The following PTPN21 variants were observed in gnomAD, a reference collection of about 807,000 sequenced individuals.
PTPN21 encodes the protein tyrosine-protein phosphatase non-receptor type 21.
A neutral mutation model predicts 131.8 loss-of-function variants in PTPN21; 77 were observed. The observed-to-expected ratio is 0.58, with a 90% CI of 0.49 to 0.71. The LOEUF is 0.71. Ranked by LOEUF, PTPN21 falls within the 30% of genes least tolerant of loss-of-function variation. The pLI is 0.00. For synonymous variants in PTPN21, 715 were observed against 621.3 expected, an observed-to-expected ratio of 1.15 and a Z score of -2.24; for missense variants, 1,552 against 1,527.1, an observed-to-expected ratio of 1.02 and a Z score of -0.27.
chr14:88,538,747 G>A (rs1478180554), intron 2 of PTPN21, among the ~76,000 whole-genome samples: 2 of 152,208 alleles, frequency 1.3e-5, no homozygotes, highest in Non-Finnish European at 2.9e-5. Context: ...TGTTCAAGGA[G>A]TCAGAACTAC....
intron 2 of PTPN21, among the ~76,000 whole-genome samples, chr14:88,520,683 G>A (rs1244007335): frequency 2.0e-5 from 3 of 152,074 alleles, no homozygotes; most frequent in African/African-American, 7.2e-5. Flanking sequence ...CCAAAGTTCT[G>A]AGTTTGATTT....
At position 88,479,449 on chromosome 14, in the gene PTPN21, G is replaced by C; in HGVS notation, c.1982C>G (p.Ala661Gly). The part of the protein sequence containing the change: ...RLKERTLSAS[A>G]AEVAPRAVSV... ...GACGGCTCGCGGCGCCACCTCTGCCGCCGACGCGGATAGGGTGCGCTCCTT... is the reference window on the plus strand; with the variant it reads ...GACGGCTCGCGGCGCCACCTCTGCCCCCGACGCGGATAGGGTGCGCTCCTT... Residue 661 changes from alanine to glycine, a missense_variant, in exon 13 of 19, where the codon GCG becomes GGG. Physicochemically the swap from Ala to Gly is moderately conservative, Grantham distance 60 (BLOSUM62 0). Coordinates refer to ENST00000556564, the MANE Select transcript of PTPN21 (RefSeq NM_007039.4). 1 of 1,601,984 alleles carries C rather than the reference G, an allele frequency of 6.2e-7. No homozygotes were observed. The highest frequency in any genetic ancestry group is 1.1e-5 in the South Asian group (1 of 90,982).
intron 9 of PTPN21, 134 bp from the exon 10 acceptor site, chr14:88,496,626 A>G: frequency 3.0e-6 from 2 of 667,652 alleles, no homozygotes; most frequent in South Asian, 1.9e-5. Flanking sequence ...TAAGCCTTTC[A>G]TTTTCCAACA....
chr14:88,523,222 A>G (rs911943657), intron 2 of PTPN21, among the ~76,000 whole-genome samples: 7 of 152,152 alleles, frequency 4.6e-5, no homozygotes, highest in Admixed American at 3.9e-4. Flanking sequence ...TGAGTCTAAC[A>G]GCACACTAAA....
At chr14:88,526,001 C>T (rs1054656500) in intron 2 of PTPN21, among the ~76,000 whole-genome samples, 3 of 152,024 alleles carry the variant, frequency 2.0e-5, no homozygotes, top group African/African-American at 4.8e-5. Context: ...GAATAAATCC[C>T]AAGGTGTGGT....
At chr14:88,512,314 C>T (rs907825568) in intron 3 of PTPN21, 18 of 152,120 alleles carry the variant, frequency 1.2e-4, no homozygotes, top group African/African-American at 4.3e-4. Flanking sequence ...ATACCCAATA[C>T]CTGATTCATA....
chr14:88,484,316 A>G (rs1249159835), intron 12 of PTPN21, among the ~76,000 whole-genome samples: 1 of 151,546 alleles, frequency 6.6e-6, no homozygotes, highest in African/African-American at 2.4e-5. Context: ...AAACCTCCTT[A>G]GCATTTGGTA....
intron 2 of PTPN21, among the ~76,000 whole-genome samples, chr14:88,545,474 C>T (rs2078762845): frequency 6.6e-6 from 1 of 152,184 alleles, no homozygotes; most frequent in Non-Finnish European, 1.5e-5. Flanking sequence ...TGTGTCACCA[C>T]CTCCTTCAAG....
At chr14:88,527,681 GT>G (rs2078499162) in intron 2 of PTPN21, among the ~76,000 whole-genome samples, 1 of 151,988 alleles carries the variant, frequency 6.6e-6, no homozygotes, top group East Asian at 1.9e-4. Flanking sequence ...ATCTATTTTT[GT>G]TTTTGCTGCA....
intron 12 of PTPN21, among the ~76,000 whole-genome samples, chr14:88,483,911 G>C (rs2077691216): frequency 6.6e-6 from 1 of 152,124 alleles, no homozygotes; most frequent in Non-Finnish European, 1.5e-5. Flanking sequence ...GAGGCAGGAG[G>C]ATAGCTTGGG....
Position 88,467,840 on chromosome 14 carries a change from T to C in PTPN21, c.*297A>G, listed in dbSNP as rs775898628. The C allele has an allele frequency of 1.3e-5, 4 of 312,542 alleles. No homozygotes were observed. The highest frequency in any genetic ancestry group is 2.2e-5 in the African/African-American group (1 of 44,916). The allele number at this position is 312,542 out of a possible 1,614,324, so 19.4% of individuals were successfully genotyped here. A position where few individuals can be genotyped will look rare whatever the true frequency, so the allele number is the denominator to read the frequency against. On this transcript the variant is annotated 3_prime_UTR_variant, in exon 19 of 19. Transcript: ENST00000556564. The stretch of plus-strand genomic sequence containing the variant: ...AGCATAGCTTCAGTAAAATAGAGAA[T>C]TGTCTAGAAAATACAATCTCCAAAA...
chr14:88,469,759 G>T lies in PTPN21; in HGVS notation c.3001-26C>A. ...CTGTTAAAGATGAGCATGGTTAAAT[G>T]ACTCGAGATCCGGCAATGGATGCCT... On this transcript the variant is annotated intron_variant, in intron 16 of 18. Coordinates refer to ENST00000556564, the MANE Select transcript of PTPN21 (RefSeq NM_007039.4). This position sits in a 1 kb window ranked among gnomAD's most constrained non-coding sequence, Gnocchi z 4.3. The T allele has an allele frequency of 6.2e-7, 1 of 1,611,520 alleles. No individual in the cohort carries two copies. The highest frequency in any genetic ancestry group is 1.1e-5 in the South Asian group (1 of 90,934).
chr14:88,541,043 A>G (rs1364560495), intron 2 of PTPN21, among the ~76,000 whole-genome samples: 2 of 152,194 alleles, frequency 1.3e-5, no homozygotes, highest in Admixed American at 1.3e-4. Context: ...AGTAGGCAAA[A>G]TAAGTCAAAA....
intron 2 of PTPN21, among the ~76,000 whole-genome samples, chr14:88,547,328 GTAAATAAATAAA>G (rs3055868): frequency 6.9e-6 from 1 of 144,708 alleles, no homozygotes; most frequent in Non-Finnish European, 1.5e-5. Flanking sequence ...AGCAACCAAA[GTAAATAAATAAA>G]TAAATAAATA....
At chr14:88,524,471 G>C (rs1347281223) in intron 2 of PTPN21, among the ~76,000 whole-genome samples, 2 of 151,876 alleles carry the variant, frequency 1.3e-5, no homozygotes, top group East Asian at 3.9e-4. Context: ...TAAAAATTAA[G>C]TAAATATAAG....
chr14:88,551,606 A>G (rs369402427), intron 1 of PTPN21: 17 of 152,446 alleles, frequency 1.1e-4, no homozygotes, highest in South Asian at 4.1e-4. Context: ...CGCGTGCCCT[A>G]CTGGCGGTGG....
chr14:88,491,564 C>G (rs2077824591), intron 10 of PTPN21, among the ~76,000 whole-genome samples: 1 of 152,168 alleles, frequency 6.6e-6, no homozygotes. Flanking sequence ...ACTAAACAGT[C>G]TATATTGAGA....
intron 10 of PTPN21, 121 bp downstream of exon 10, chr14:88,496,292 G>T (rs1325640935): frequency 2.3e-6 from 2 of 851,768 alleles, no homozygotes; most frequent in African/African-American, 1.7e-5. Context: ...TAGGAAAACA[G>T]CTATAGGATC....
rs776287407 is a variant in PTPN21, at chr14:88,501,262, G to A, written c.675+19C>T. ...GTAAGCCTAACTTTAAAGAGCCCCA[G>A]CCGCCAAGCCACACTTACCTTAGCA... On this transcript the variant is annotated intron_variant, in intron 7 of 18. Coordinates refer to ENST00000556564, the MANE Select transcript of PTPN21 (RefSeq NM_007039.4). 12 of 1,588,736 alleles carry A rather than the reference G, an allele frequency of 7.6e-6. No homozygotes were observed. The Admixed American group carries it at 2.0e-4, about 27-fold the overall frequency.
Sources: allele counts gnomAD v4.1 joint callset (sites outside exome capture counted in the v4.1 genomes callset), GRCh38; gene constraint gnomAD v4.1.1; non-coding constraint Gnocchi (gnomAD v3.1); transcripts MANE v1.5; gene names NCBI Gene and HGNC (gene_info 2026-07-23, HGNC 2026-07-21).